Variants in AUTS2 observed in about 807,000 individuals in gnomAD.
The protein encoded by AUTS2 is autism susceptibility gene 2 protein.
Under a neutral mutation model 112.4 loss-of-function variants are expected in AUTS2, and 17 were observed. That is an observed-to-expected ratio of 0.15 (90% confidence interval 0.10 to 0.23). AUTS2 has a LOEUF of 0.23. Ranked by LOEUF, AUTS2 falls within the 10% of genes least tolerant of loss-of-function variation. AUTS2 has a pLI of 1.00. For missense variants in AUTS2, 1,510 were observed against 1,701.6 expected, an observed-to-expected ratio of 0.89 and a Z score of 1.98; for synonymous variants, 751 against 702.7, an observed-to-expected ratio of 1.07 and a Z score of -1.09.
chr7:69,701,001 G>A (rs1797779254), intron 1 of AUTS2, among the ~76,000 whole-genome samples: 1 of 152,214 alleles, frequency 6.6e-6, no homozygotes, highest in Admixed American at 6.5e-5. Flanking sequence ...TAGCCTGGAA[G>A]TTAAGAATAC....
chr7:70,168,844 A>G (rs1434268670), intron 4 of AUTS2, among the ~76,000 whole-genome samples: 3 of 152,162 alleles, frequency 2.0e-5, no homozygotes, highest in Non-Finnish European at 4.4e-5. Context: ...CTGGAAATAC[A>G]TGATTTGTAC....
rs368463351 is a variant in AUTS2 at position 70,192,735 on chromosome 7, G to C, written c.660+58164G>C. Among the ~76,000 whole-genome samples, 5 of 152,296 alleles carry C rather than the reference G, an allele frequency of 3.3e-5. No homozygotes were observed. The East Asian group carries it at 7.7e-4, about 24-fold the overall frequency. On this transcript the variant is annotated intron_variant, in intron 4 of 18. Transcript: ENST00000342771. Reference sequence around the variant, plus strand: ...TAGTCTGAACACATCACATTGCAATGATCTGAAAGCTAAAGACATGGCATA... The same window carrying C: ...TAGTCTGAACACATCACATTGCAATCATCTGAAAGCTAAAGACATGGCATA...
At chr7:70,575,376 A>G (rs959810101) in intron 5 of AUTS2, among the ~76,000 whole-genome samples, 2 of 152,146 alleles carry the variant, frequency 1.3e-5, no homozygotes, top group African/African-American at 4.8e-5. Flanking sequence ...GGTAGGAACT[A>G]AAAGTGCCAA....
chr7:70,320,075 C>T (rs1367025044), intron 4 of AUTS2, among the ~76,000 whole-genome samples: 1 of 152,178 alleles, frequency 6.6e-6, no homozygotes, highest in African/African-American at 2.4e-5. Flanking sequence ...GAACTGGAGG[C>T]ATGAGACAAG....
chr7:70,315,507 C>G (rs1789952656), intron 4 of AUTS2, among the ~76,000 whole-genome samples: 1 of 152,174 alleles, frequency 6.6e-6, no homozygotes, highest in Admixed American at 6.5e-5. Context: ...CTGTCTTTCC[C>G]CTCTTCCCAC....
intron 4 of AUTS2, among the ~76,000 whole-genome samples, chr7:70,367,917 A>G (rs1792660981): frequency 6.6e-6 from 1 of 152,222 alleles, no homozygotes; most frequent in Non-Finnish European, 1.5e-5. Flanking sequence ...AATGAAATAA[A>G]GAAATGGAGA....
intron 4 of AUTS2, among the ~76,000 whole-genome samples, chr7:70,143,639 TA>T (rs1360539010): frequency 5.3e-5 from 8 of 152,178 alleles, no homozygotes; most frequent in African/African-American, 1.9e-4. Flanking sequence ...GCAGGATGAA[TA>T]AAAACAAACA....
At chr7:69,842,320 T>C (rs1388207821) in intron 1 of AUTS2, among the ~76,000 whole-genome samples, 1 of 152,200 alleles carries the variant, frequency 6.6e-6, no homozygotes, top group African/African-American at 2.4e-5. Context: ...AAGGAACATG[T>C]GACCAGATAA....
At chr7:70,399,074 A>G (rs1585100035) in intron 4 of AUTS2, among the ~76,000 whole-genome samples, 2 of 149,476 alleles carry the variant, frequency 1.3e-5, no homozygotes, top group South Asian at 4.2e-4. Flanking sequence ...GCCTCCTTGA[A>G]CTCCTGGGCT....
intron 1 of AUTS2, among the ~76,000 whole-genome samples, chr7:69,716,388 A>G (rs907780049): frequency 3.3e-5 from 5 of 152,114 alleles, no homozygotes; most frequent in Non-Finnish European, 5.9e-5. Flanking sequence ...AATTAAAACT[A>G]TATGACCTGA....
chr7:69,858,826 G>A (rs1239415664), intron 1 of AUTS2, among the ~76,000 whole-genome samples: 1 of 152,210 alleles, frequency 6.6e-6, no homozygotes, highest in Non-Finnish European at 1.5e-5. Flanking sequence ...AGGTTTGCTA[G>A]GTATGTACTG....
chr7:70,032,576 T>C (rs1206545590), intron 2 of AUTS2, among the ~76,000 whole-genome samples: 1 of 152,162 alleles, frequency 6.6e-6, no homozygotes, highest in Non-Finnish European at 1.5e-5. Flanking sequence ...AGTTAAGCAC[T>C]TGATGACTTC....
intron 1 of AUTS2, among the ~76,000 whole-genome samples, chr7:69,889,644 A>T (rs905473269): frequency 3.3e-5 from 5 of 152,186 alleles, no homozygotes; most frequent in Non-Finnish European, 5.9e-5. Flanking sequence ...GATTTTTTTT[A>T]AAAAGAACAT....
At chr7:69,915,647 C>A (rs1294833097) in intron 2 of AUTS2, among the ~76,000 whole-genome samples, 5 of 152,156 alleles carry the variant, frequency 3.3e-5, no homozygotes, top group African/African-American at 1.2e-4. Flanking sequence ...AATAGCTTTC[C>A]TTTTCTATCA....
At chr7:70,421,388 A>C in intron 4 of AUTS2, among the ~76,000 whole-genome samples, 1 of 152,000 alleles carries the variant, frequency 6.6e-6, no homozygotes, top group East Asian at 1.9e-4. Flanking sequence ...GGCATTTTCA[A>C]CACAAAGAGA....
intron 4 of AUTS2, among the ~76,000 whole-genome samples, chr7:70,161,168 A>G (rs1808056732): frequency 6.6e-6 from 1 of 152,210 alleles, no homozygotes; most frequent in Non-Finnish European, 1.5e-5. Flanking sequence ...TAGAGAGGTT[A>G]TAAAGGAAAC....
At chr7:69,832,826 C>A (rs1191469187) in intron 1 of AUTS2, among the ~76,000 whole-genome samples, 3 of 152,114 alleles carry the variant, frequency 2.0e-5, no homozygotes, top group Non-Finnish European at 4.4e-5. Flanking sequence ...ACAACAAAAA[C>A]ATTAACTGTA....
chr7:70,327,480 A>G (rs538941000), intron 4 of AUTS2, among the ~76,000 whole-genome samples: 1 of 152,358 alleles, frequency 6.6e-6, no homozygotes, highest in East Asian at 1.9e-4. Context: ...CTATTCTTCC[A>G]AAGAAATTTG....
intron 4 of AUTS2, among the ~76,000 whole-genome samples, chr7:70,413,121 C>G (rs189365101): frequency 3.9e-5 from 6 of 152,242 alleles, no homozygotes; most frequent in Non-Finnish European, 7.3e-5. Context: ...GCTCCTTTGT[C>G]TTCATTGATT....
Sources: gnomAD v4.1 joint callset for allele counts (sites outside exome capture counted in the v4.1 genomes callset) on GRCh38, gnomAD v4.1.1 for gene constraint, MANE v1.5 for transcripts, NCBI Gene and HGNC (gene_info 2026-07-23, HGNC 2026-07-21) for gene names.